The following IL7 variants were observed in gnomAD, a reference collection of about 807,000 sequenced individuals.
The protein encoded by IL7 is interleukin 7, also known as interleukin-7.
A neutral mutation model predicts 21.6 loss-of-function variants in IL7; 3 were observed. The ratio of observed to expected loss-of-function variants is 0.14; its 90% CI spans 0.06 to 0.36. The LOEUF (loss-of-function observed/expected upper bound fraction) is 0.36, where lower values mean the gene tolerates loss of function less well. Among genes scored for constraint, IL7 ranks in the 10% least tolerant of loss-of-function variants. The pLI is 1.00. For synonymous variants in IL7, 62 were observed against 68.1 expected, an observed-to-expected ratio of 0.91 and a Z score of 0.44; for missense variants, 175 against 200.2, an observed-to-expected ratio of 0.87 and a Z score of 0.76.
In IL7 at chr8:78,678,559, A is replaced by G. The variant is rs757795655; in HGVS notation, n.274-2455T>C. 3.7e-6 allele frequency: 6 copies of G among 1,602,534 alleles called. No homozygotes were observed. The Admixed American group carries it at 8.7e-5, about 23-fold the overall frequency. ...TGATAGGCTGCATTTCTTTATCTTA[A>G]CAGAAAAAACATGGACCCATTTGCC... On this transcript the variant is annotated intron_variant and non_coding_transcript_variant, in intron 4 of 4. Coordinates refer to the IL7 transcript ENST00000523959.
chr8:78,695,803 A>C (rs531580340), intron 3 of IL7, among the ~76,000 whole-genome samples: 13 of 152,068 alleles, frequency 8.5e-5, no homozygotes, highest in African/African-American at 3.1e-4. Flanking sequence ...TTGGTTTTCT[A>C]TTTTTCAGGT....
At chr8:78,797,930 TTAG>T (rs1813915834) in intron 2 of IL7, 139 bp downstream of exon 2, 1 of 569,198 alleles carries the variant, frequency 1.8e-6, no homozygotes, top group Admixed American at 3.1e-5. Flanking sequence ...AAATATACAG[TTAG>T]TAGCTCATTA....
At chr8:78,701,196 T>C (rs764864381) in intron 3 of IL7, among the ~76,000 whole-genome samples, 8 of 152,150 alleles carry the variant, frequency 5.3e-5, no homozygotes, top group Non-Finnish European at 1.0e-4. Flanking sequence ...CCTCCTTGTA[T>C]AGATCTTTCA....
intron 2 of IL7, among the ~76,000 whole-genome samples, chr8:78,744,499 C>T (rs766083420): frequency 2.0e-5 from 3 of 152,166 alleles, no homozygotes; most frequent in Non-Finnish European, 2.9e-5. Context: ...TCCCTGGGAA[C>T]TCTGTCCCAG....
intron 2 of IL7, among the ~76,000 whole-genome samples, chr8:78,763,430 T>C (rs1812645125): frequency 6.6e-6 from 1 of 152,232 alleles, no homozygotes; most frequent in Non-Finnish European, 1.5e-5. Flanking sequence ...GGTATAATGT[T>C]ATTTGGAAGT....
At chr8:78,721,758 T>A (rs1319055128) in intron 3 of IL7, among the ~76,000 whole-genome samples, 1 of 151,796 alleles carries the variant, frequency 6.6e-6, no homozygotes, top group African/African-American at 2.4e-5. Flanking sequence ...TTTGAAAAGG[T>A]CGATTAAATT....
chr8:78,725,923 AC>A (rs1811332216), intron 3 of IL7, among the ~76,000 whole-genome samples: 1 of 152,040 alleles, frequency 6.6e-6, no homozygotes, highest in Admixed American at 6.6e-5. Flanking sequence ...TTTAATTCCC[AC>A]CAGGCACTAT....
At chr8:78,778,028 A>G (rs1813189358) in intron 2 of IL7, among the ~76,000 whole-genome samples, 1 of 152,092 alleles carries the variant, frequency 6.6e-6, no homozygotes, top group Non-Finnish European at 1.5e-5. Flanking sequence ...AAATCTAATT[A>G]CCAAGCCCCC....
downstream of IL7, among the ~76,000 whole-genome samples, chr8:78,714,809 ATTCT>A (rs532224225): frequency 1.1e-3 from 163 of 152,312 alleles, 1 homozygote; most frequent in Non-Finnish European, 1.6e-3. Context: ...TAGCAAAAAA[ATTCT>A]TTTTTTAACT....
intron 3 of IL7, among the ~76,000 whole-genome samples, chr8:78,724,964 A>T (rs935766769): frequency 6.6e-6 from 1 of 152,042 alleles, no homozygotes; most frequent in Non-Finnish European, 1.5e-5. Flanking sequence ...CTAGTGAAAA[A>T]TTATTTTGAT....
chr8:78,747,188 C>CTTTTTTTTTT (rs1191243585), intron 2 of IL7: 2 of 233,628 alleles, frequency 8.6e-6, no homozygotes, highest in African/African-American at 3.7e-5. Context: ...TACTTCATTG[C>CTTTTTTTTTT]TTTTTTTTTT....
intron 3 of IL7, among the ~76,000 whole-genome samples, chr8:78,701,993 G>A (rs1810620356): frequency 6.6e-6 from 1 of 152,090 alleles, no homozygotes; most frequent in Non-Finnish European, 1.5e-5. Context: ...CTTATAGAAT[G>A]AACTAGAGTT....
At chr8:78,738,695 C>A in intron 3 of IL7, 60 bp from the exon 4 acceptor site, 1 of 1,516,930 alleles carries the variant, frequency 6.6e-7, no homozygotes, top group Non-Finnish European at 9.0e-7. Context: ...AAATTATAAG[C>A]TTTCTTAAGG....
At chr8:78,712,883 C>G (rs1810993814) in intron 3 of IL7, among the ~76,000 whole-genome samples, 1 of 152,140 alleles carries the variant, frequency 6.6e-6, no homozygotes, top group South Asian at 2.1e-4. Flanking sequence ...CTACAACAGT[C>G]TGCTCAGTAT....
rs1482320486 is a variant in IL7, at chr8:78,735,735, A to G, written c.414+739T>C. ...ATCCCTAGAATTTCCTAAATCTCAG[A>G]GTGTACAGGCTCACTTTGCTTTTCT... On this transcript the variant is annotated intron_variant, in intron 5 of 5. Transcript: ENST00000263851. Among the ~76,000 whole-genome samples, 3 of 148,940 alleles carry G rather than the reference A, an allele frequency of 2.0e-5. No homozygotes were observed. The South Asian group carries it at 6.2e-4, about 31-fold the overall frequency.
rs77066317 is a variant in IL7, at chr8:78,698,095, C to G, written n.215-12148G>C. 1.9e-3 allele frequency among the ~76,000 whole-genome samples: 286 copies of G among 152,264 alleles called. 1 individual carries two copies. The highest frequency in any genetic ancestry group is 6.6e-3 in the African/African-American group (274 of 41,570). On this transcript the variant is annotated intron_variant and non_coding_transcript_variant, in intron 3 of 4. Coordinates refer to the IL7 transcript ENST00000523959. ...TGATTCTTTGATCCAGCATTTTCCT[C>G]TCATTTTATGCTAGCTCTTCATAGC... is the stretch of plus-strand genomic sequence containing the variant.
At chr8:78,743,433 A>T (rs1181954650) in intron 2 of IL7, among the ~76,000 whole-genome samples, 1 of 149,580 alleles carries the variant, frequency 6.7e-6, no homozygotes, top group Non-Finnish European at 1.5e-5. Flanking sequence ...AGCCATTCTG[A>T]CTGGTGTGAT....
intron 2 of IL7, among the ~76,000 whole-genome samples, chr8:78,795,893 A>G (rs1813836954): frequency 6.6e-6 from 1 of 151,992 alleles, no homozygotes; most frequent in African/African-American, 2.4e-5. Flanking sequence ...TAGTTTCCAT[A>G]TTCCTACAAG....
chr8:78,784,021 T>C (rs1156725564), intron 2 of IL7, among the ~76,000 whole-genome samples: 1 of 152,200 alleles, frequency 6.6e-6, no homozygotes, highest in African/African-American at 2.4e-5. Flanking sequence ...AGAGCCAATA[T>C]GGTGAAGACT....
Sources: allele counts gnomAD v4.1 joint callset (sites outside exome capture counted in the v4.1 genomes callset), GRCh38; gene constraint gnomAD v4.1.1; transcripts MANE v1.5; gene names NCBI Gene and HGNC (gene_info 2026-07-23, HGNC 2026-07-21).